Variants in SLC41A2 observed in about 807,000 individuals in gnomAD.
The protein encoded by SLC41A2 is solute carrier family 41 member 2.
In SLC41A2, 32 loss-of-function variants were observed where a neutral mutation model predicts 58.3. The ratio of observed to expected loss-of-function variants is 0.55; its 90% CI spans 0.41 to 0.74. The LOEUF (loss-of-function observed/expected upper bound fraction) is 0.74, where lower values mean the gene tolerates loss of function less well. Ranked by LOEUF, SLC41A2 falls within the 30% of genes least tolerant of loss-of-function variation. The pLI, the probability that SLC41A2 is intolerant of heterozygous loss-of-function variation, is 0.00. For synonymous variants in SLC41A2, 190 were observed against 235.0 expected (o/e 0.81, Z 1.75); for missense variants, 514 against 680.6 (o/e 0.76, Z 2.72).
intron 1 of SLC41A2, chr12:104,931,730 T>G (rs1245769754): frequency 6.6e-6 from 1 of 152,230 alleles, no homozygotes; most frequent in African/African-American, 2.4e-5. Context: ...CTCACAAAGC[T>G]CCTTCTACCA....
intron 2 of SLC41A2, among the ~76,000 whole-genome samples, chr12:104,920,378 G>T (rs759684411): frequency 2.0e-5 from 3 of 151,894 alleles, no homozygotes; most frequent in Non-Finnish European, 4.4e-5. Context: ...AGATGACAAG[G>T]AAAAGTAATG....
chr12:104,904,749 C>T (rs1235825121), intron 3 of SLC41A2, among the ~76,000 whole-genome samples: 1 of 151,814 alleles, frequency 6.6e-6, no homozygotes, highest in Non-Finnish European at 1.5e-5. Flanking sequence ...CTTAAGGCAT[C>T]GCGTCTGGAG....
intron 10 of SLC41A2, among the ~76,000 whole-genome samples, chr12:104,838,499 C>T (rs2042289779): frequency 6.6e-6 from 1 of 151,972 alleles, no homozygotes; most frequent in South Asian, 2.1e-4. Context: ...CAAGTATTGC[C>T]TAGTGAAAGT....
chr12:104,954,142 A>G (rs946445652), intron 1 of SLC41A2, among the ~76,000 whole-genome samples: 2 of 152,154 alleles, frequency 1.3e-5, no homozygotes, highest in Non-Finnish European at 2.9e-5. Context: ...ACTTTGCCCA[A>G]TATTCCAAAA....
chr12:104,945,620 ATATGTT>A (rs1271660217), intron 1 of SLC41A2, among the ~76,000 whole-genome samples: 1 of 152,224 alleles, frequency 6.6e-6, no homozygotes, highest in Non-Finnish European at 1.5e-5. Flanking sequence ...TTTTCCAAAT[ATATGTT>A]TAAGACAAAA....
chr12:104,958,662 G>A (rs1214042282), upstream of SLC41A2: 2 of 152,368 alleles, frequency 1.3e-5, no homozygotes, highest in Non-Finnish European at 2.9e-5. Context: ...TCAGACCAGC[G>A]GCCTCTTTTT....
At chr12:104,866,947 C>T (rs551975824) in intron 6 of SLC41A2, among the ~76,000 whole-genome samples, 4 of 152,010 alleles carry the variant, frequency 2.6e-5, no homozygotes, top group Non-Finnish European at 4.4e-5. Context: ...TTTCATTGTC[C>T]CCACCAATAT....
At chr12:104,920,831 G>A (rs1221062055) in intron 2 of SLC41A2, among the ~76,000 whole-genome samples, 1 of 152,028 alleles carries the variant, frequency 6.6e-6, no homozygotes, top group African/African-American at 2.4e-5. Context: ...GGCTGAGGTA[G>A]GAGAATGGCA....
intron 1 of SLC41A2, among the ~76,000 whole-genome samples, chr12:104,935,961 T>A (rs146344822): frequency 3.6e-4 from 54 of 152,050 alleles, no homozygotes; most frequent in African/African-American, 1.2e-3. Context: ...GAGAATTGGT[T>A]GAACCCAGGA....
At chr12:104,866,379 C>T (rs552086001) in intron 7 of SLC41A2, 53 bp downstream of exon 7, 728 of 1,410,884 alleles carry the variant, frequency 5.2e-4, no homozygotes, top group Non-Finnish European at 6.4e-4. Context: ...GACAGACAGA[C>T]GTACACACAC....
chr12:104,907,696 A>G (rs752366111), intron 3 of SLC41A2, among the ~76,000 whole-genome samples: 7 of 152,164 alleles, frequency 4.6e-5, no homozygotes, highest in Non-Finnish European at 2.9e-5. Flanking sequence ...GACTTATTCC[A>G]CTATATGTAG....
At chr12:104,881,908 A>C (rs997275115) in intron 6 of SLC41A2, among the ~76,000 whole-genome samples, 5 of 152,300 alleles carry the variant, frequency 3.3e-5, no homozygotes, top group African/African-American at 1.2e-4. Flanking sequence ...TAATGTTGAC[A>C]GTGGGGTGTT....
intron 10 of SLC41A2, among the ~76,000 whole-genome samples, chr12:104,806,866 T>C (rs564463435): frequency 1.3e-5 from 2 of 152,328 alleles, no homozygotes; most frequent in East Asian, 1.9e-4. Context: ...ATGTCTTCTT[T>C]TGAGAAGTGT....
chr12:104,843,123 G>A (rs1292893139), intron 10 of SLC41A2, among the ~76,000 whole-genome samples: 1 of 151,982 alleles, frequency 6.6e-6, no homozygotes, highest in Non-Finnish European at 1.5e-5. Context: ...CCAGGTAGAG[G>A]TACTTCCTTT....
chr12:104,826,975 T>A (rs1288600980), intron 10 of SLC41A2, among the ~76,000 whole-genome samples: 1 of 152,132 alleles, frequency 6.6e-6, no homozygotes, highest in Non-Finnish European at 1.5e-5. Flanking sequence ...CTAAATGGGA[T>A]CCCAGTGACA....
chr12:104,881,236 A>G (rs1477807569), intron 6 of SLC41A2, among the ~76,000 whole-genome samples: 1 of 152,042 alleles, frequency 6.6e-6, no homozygotes, highest in East Asian at 1.9e-4. Context: ...CTAGCGGTCT[A>G]TCAATTTTGT....
At chr12:104,806,050 T>C (rs1395639558) in intron 10 of SLC41A2, among the ~76,000 whole-genome samples, 1 of 152,030 alleles carries the variant, frequency 6.6e-6, no homozygotes, top group Non-Finnish European at 1.5e-5. Flanking sequence ...GGATTTTCTT[T>C]ATTTATTTAT....
At chr12:104,828,802 T>C (rs533424817) in intron 10 of SLC41A2, among the ~76,000 whole-genome samples, 7 of 151,974 alleles carry the variant, frequency 4.6e-5, no homozygotes, top group African/African-American at 1.4e-4. Context: ...GTAGTATCCA[T>C]AATATACAAA....
At chr12:104,947,587 C>T (rs560621837) in intron 1 of SLC41A2, among the ~76,000 whole-genome samples, 1 of 152,002 alleles carries the variant, frequency 6.6e-6, no homozygotes, top group South Asian at 2.1e-4. Flanking sequence ...TTTTATATAA[C>T]TTATCCTATT....
Sources: gnomAD v4.1 joint callset for allele counts (sites outside exome capture counted in the v4.1 genomes callset) on GRCh38, gnomAD v4.1.1 for gene constraint, MANE v1.5 for transcripts, NCBI Gene and HGNC (gene_info 2026-07-23, HGNC 2026-07-21) for gene names.